MAPK10: variants seen among roughly 807,000 people sequenced by gnomAD.
MAPK10 encodes the protein JNK3 alpha protein kinase.
A neutral mutation model predicts 59.3 loss-of-function variants in MAPK10; 25 were observed. That is an observed-to-expected ratio of 0.42 (90% CI 0.31 to 0.59). The LOEUF is 0.59. Ranked by LOEUF, MAPK10 falls within the 20% of genes least tolerant of loss-of-function variation. The pLI, the probability that MAPK10 is intolerant of heterozygous loss-of-function variation, is 0.15. For synonymous variants in MAPK10, 190 were observed against 200.5 expected (o/e 0.95, Z 0.44); for missense variants, 351 against 568.9 (o/e 0.62, Z 3.90).
intron 3 of MAPK10, among the ~76,000 whole-genome samples, chr4:86,172,271 A>T (rs903562065): frequency 1.5e-4 from 21 of 144,196 alleles, no homozygotes; most frequent in Non-Finnish European, 2.2e-4. Context: ...AGACACATGC[A>T]CACGTATGTT....
At chr4:86,573,893 G>C (rs565069179) in intron 1 of MAPK10, among the ~76,000 whole-genome samples, 2 of 152,054 alleles carry the variant, frequency 1.3e-5, no homozygotes, top group South Asian at 4.2e-4. Context: ...CAAGTATATA[G>C]AGAAATGCAA....
At chr4:86,461,128 CT>C (rs34130284) in intron 1 of MAPK10, among the ~76,000 whole-genome samples, 2 of 146,818 alleles carry the variant, frequency 1.4e-5, no homozygotes, top group Admixed American at 6.8e-5. Context: ...CCTGAGTACT[CT>C]TTTTTTTTTT....
chr4:86,553,272 T>C (rs1367052301), intron 1 of MAPK10, among the ~76,000 whole-genome samples: 1 of 152,130 alleles, frequency 6.6e-6, no homozygotes, highest in Non-Finnish European at 1.5e-5. Flanking sequence ...GTCTAGAGTC[T>C]GAGCAGCAAG....
intron 1 of MAPK10, among the ~76,000 whole-genome samples, chr4:86,503,845 T>C (rs1755509906): frequency 6.6e-6 from 1 of 152,062 alleles, no homozygotes; most frequent in Admixed American, 6.6e-5. Flanking sequence ...CCCCATCATC[T>C]ACCACAATTA....
intron 2 of MAPK10, among the ~76,000 whole-genome samples, chr4:86,303,625 G>T (rs2095508988): frequency 6.6e-6 from 1 of 152,122 alleles, no homozygotes; most frequent in Non-Finnish European, 1.5e-5. Context: ...TGAGAAGGTG[G>T]TATTTTCACC....
At chr4:86,205,495 T>C (rs2083594822) in intron 2 of MAPK10, among the ~76,000 whole-genome samples, 1 of 151,954 alleles carries the variant, frequency 6.6e-6, no homozygotes, top group African/African-American at 2.4e-5. Flanking sequence ...TTGAGGTTCA[T>C]AAACTATCAT....
chr4:86,533,365 C>T (rs1359331359), intron 1 of MAPK10, among the ~76,000 whole-genome samples: 1 of 151,960 alleles, frequency 6.6e-6, no homozygotes, highest in Non-Finnish European at 1.5e-5. Flanking sequence ...GTACTAAGTG[C>T]CAATGAATTG....
At chr4:86,525,981 T>C (rs1009086432) in intron 1 of MAPK10, among the ~76,000 whole-genome samples, 1 of 146,048 alleles carries the variant, frequency 6.8e-6, no homozygotes, top group Non-Finnish European at 1.5e-5. Flanking sequence ...TGGTATTTTG[T>C]TGAGGATTTT....
At chr4:86,023,992 A>T (rs1480874490) in intron 13 of MAPK10, 1 of 151,770 alleles carries the variant, frequency 6.6e-6, no homozygotes, top group Non-Finnish European at 1.5e-5. Flanking sequence ...AAAAGTTTTA[A>T]AATAAAATTG....
At chr4:86,508,807 A>T (rs1755991020) in intron 1 of MAPK10, among the ~76,000 whole-genome samples, 1 of 152,180 alleles carries the variant, frequency 6.6e-6, no homozygotes, top group African/African-American at 2.4e-5. Context: ...GGATTTATAG[A>T]ATTTTCTTTG....
At chr4:86,177,592 A>C (rs1451646464) in intron 3 of MAPK10, among the ~76,000 whole-genome samples, 1 of 152,086 alleles carries the variant, frequency 6.6e-6, no homozygotes, top group Non-Finnish European at 1.5e-5. Context: ...ACCAAGCTTA[A>C]TGATGTTTTT....
At chr4:86,475,434 C>G (rs1266073167) in intron 1 of MAPK10, among the ~76,000 whole-genome samples, 1 of 152,172 alleles carries the variant, frequency 6.6e-6, no homozygotes, top group Non-Finnish European at 1.5e-5. Context: ...CAACCTCTTT[C>G]TCCTTTCAAT....
chr4:86,346,126 G>C (rs1564590939), intron 2 of MAPK10, among the ~76,000 whole-genome samples: 1 of 152,168 alleles, frequency 6.6e-6, no homozygotes, highest in Non-Finnish European at 1.5e-5. Flanking sequence ...CAATGAATGA[G>C]AGCTTATTGC....
chr4:86,023,541 C>T (rs1748484863), intron 13 of MAPK10, among the ~76,000 whole-genome samples: 2 of 152,000 alleles, frequency 1.3e-5, no homozygotes, highest in Non-Finnish European at 2.9e-5. Context: ...CATTTCTTGA[C>T]AATATTAAAT....
intron 1 of MAPK10, among the ~76,000 whole-genome samples, chr4:86,541,960 CA>C: frequency 7.2e-6 from 1 of 139,302 alleles, no homozygotes; most frequent in East Asian, 2.0e-4. Flanking sequence ...CACACACACA[CA>C]CACACACACA....
At chr4:86,444,266 C>T (rs1169744832) in intron 1 of MAPK10, among the ~76,000 whole-genome samples, 3 of 152,022 alleles carry the variant, frequency 2.0e-5, no homozygotes, top group Non-Finnish European at 2.9e-5. Flanking sequence ...CCCAAAACTA[C>T]AAAAATCGTA....
intron 2 of MAPK10, among the ~76,000 whole-genome samples, chr4:86,264,715 AC>A (rs1422458950): frequency 6.6e-6 from 1 of 152,168 alleles, no homozygotes; most frequent in Non-Finnish European, 1.5e-5. Flanking sequence ...CAGGGAGGAA[AC>A]TGAATGGTTG....
At chr4:86,316,859 G>A (rs948660062) in intron 2 of MAPK10, among the ~76,000 whole-genome samples, 2 of 152,096 alleles carry the variant, frequency 1.3e-5, no homozygotes, top group Admixed American at 6.6e-5. Flanking sequence ...AGTTGTTGTC[G>A]TAGTAGAAAT....
At chr4:86,072,267 G>C (rs1217802840) in intron 9 of MAPK10, among the ~76,000 whole-genome samples, 1 of 151,824 alleles carries the variant, frequency 6.6e-6, no homozygotes, top group African/African-American at 2.4e-5. Context: ...TGCTGAAGTT[G>C]CTTATCAGCT....
Sources: gnomAD v4.1 joint callset for allele counts (sites outside exome capture counted in the v4.1 genomes callset) on GRCh38, gnomAD v4.1.1 for gene constraint, MANE v1.5 for transcripts, NCBI Gene and HGNC (gene_info 2026-07-23, HGNC 2026-07-21) for gene names.